The following MINK1 variants were observed in gnomAD, a reference collection of about 807,000 sequenced individuals.
MINK1 encodes misshapen-like kinase 1.
In MINK1, 46 loss-of-function variants were observed where a neutral mutation model predicts 178.4. The observed-to-expected ratio is 0.26, with a 90% CI of 0.20 to 0.33. The LOEUF is 0.33. Ranked by LOEUF, MINK1 falls within the 10% of genes least tolerant of loss-of-function variation. The pLI, the probability that MINK1 is intolerant of heterozygous loss-of-function variation, is 1.00. For missense variants in MINK1, 1,366 were observed against 1,814.9 expected (o/e 0.75, Z 4.49); for synonymous variants, 797 against 709.7 (o/e 1.12, Z -1.96).
chr17:4,892,047 A>T, intron 16 of MINK1, 102 bp from the exon 17 acceptor site: 1 of 967,578 alleles, frequency 1.0e-6, no homozygotes. Context: ...CAGTTTTCTC[A>T]TCCATCAAAG....
rs1969029395 is a variant in MINK1, at chr17:4,893,059, C to T, written c.2392C>T (p.Arg798Trp). Residue 798 changes from arginine to tryptophan, a missense_variant, in exon 20 of 32, where the codon CGG (arginine) becomes TGG (tryptophan). Physicochemically the swap from Arg to Trp is moderately radical, Grantham distance 101. Around this residue, in one of 14 missense-constraint regions of MINK1, gnomAD observed 709 missense variants for 692.3 expected, o/e 1.02. Coordinates refer to ENST00000355280, the MANE Select transcript of MINK1 (RefSeq NM_153827.5). The part of the protein sequence containing the change: ...KPDDHRSRPG[R>W]PADFVLLKER... ...CGACGACCACCGCTCACGGCCAGGC[C>T]GGCCCGCAGTGAGTCACCTGGTGGC... 1.3e-6 allele frequency: 2 copies of T among 1,562,662 alleles called. No individual in the cohort carries two copies. The highest frequency in any genetic ancestry group is 1.7e-6 in the Non-Finnish European group (2 of 1,155,726).
rs757618117 is a variant in MINK1 at position 4,896,738 on chromosome 17, G to A, written c.3840G>A (p.Glu1280=). 5 of 1,604,074 alleles carry A rather than the reference G, an allele frequency of 3.1e-6. No individual in the cohort carries two copies. Among genetic ancestry groups the A allele is most frequent in the Non-Finnish European group, 4.3e-6 (5 of 1,174,364 alleles). Residue 1280 remains glutamate (E), a synonymous_variant, in exon 31 of 32, where the codon GAG becomes GAA. Transcript: ENST00000355280. The surrounding 1 kb of genome is among the most constrained non-coding windows in gnomAD (Gnocchi z 4.6). ...AAGCCATTGAGATCCGCTCTGTGGA[G>A]ACGGGCCACCTCGACGGGGTCTTCA... ...GEKAIEIRSV[E]TGHLDGVFMH... is the part of the protein sequence containing the mutation.
chr17:4,896,977 C>T lies in MINK1; in HGVS notation c.3915+164C>T, dbSNP rs1969583205. The stretch of plus-strand genomic sequence containing the variant: ...CACTACCACTGCCCTGCGCTCCCTT[C>T]AGATTCCGAGGACTTCCCAGCTGGC... On this transcript the variant is annotated intron_variant, in intron 31 of 31. Transcript: ENST00000355280. The surrounding 1 kb of genome is among the most constrained non-coding windows in gnomAD (Gnocchi z 4.6). 6.5e-6 allele frequency: 7 copies of T among 1,084,604 alleles called. No homozygotes were observed. Among genetic ancestry groups the T allele is most frequent in the Non-Finnish European group, 9.1e-6 (7 of 769,370 alleles). 67.2% of individuals were successfully genotyped at this position (1,084,604 alleles called of 1,614,324 possible). A position where few individuals can be genotyped will look rare whatever the true frequency, so the allele number is the denominator to read the frequency against.
intron 15 of MINK1, 76 bp downstream of exon 15, chr17:4,891,200 G>GCGCGCACACACA (rs781594150): frequency 2.9e-3 from 2,881 of 1,003,830 alleles, no homozygotes; most frequent in Non-Finnish European, 3.6e-3. Flanking sequence ...ACACACGCGC[G>GCGCGCACACACA]CACACACACA....
intron 1 of MINK1, among the ~76,000 whole-genome samples, chr17:4,871,662 T>C (rs1420729733): frequency 6.6e-6 from 1 of 152,212 alleles, no homozygotes; most frequent in Non-Finnish European, 1.5e-5. Context: ...TGTGGATATA[T>C]GTTCTCAGTT....
chr17:4,877,380 C>T (rs1176454356), intron 1 of MINK1, among the ~76,000 whole-genome samples: 1 of 152,122 alleles, frequency 6.6e-6, no homozygotes, highest in Non-Finnish European at 1.5e-5. Context: ...ACAGAAAGTT[C>T]TCCCTTCTCA....
intron 1 of MINK1, among the ~76,000 whole-genome samples, chr17:4,845,405 TG>T (rs1293131761): frequency 6.6e-6 from 1 of 152,176 alleles, no homozygotes; most frequent in Non-Finnish European, 1.5e-5. Flanking sequence ...CATCTCATCC[TG>T]GGGGTCTGAT....
At position 4,894,191 on chromosome 17, in the gene MINK1, G is replaced by C. The variant is rs1969182938; in HGVS notation, c.2688G>C (p.Arg896=). Residue 896 remains arginine, a synonymous_variant, in exon 23 of 32, where the codon CGG becomes CGC. Coordinates refer to ENST00000355280, the MANE Select transcript of MINK1 (RefSeq NM_153827.5). This position sits in a 1 kb window ranked among gnomAD's most constrained non-coding sequence, Gnocchi z 4.1. ...TCCTGTAGACCCCTGAAGAGGAGCG[G>C]AACCTGCTGCATGCTGACAGCAATG... is the stretch of plus-strand genomic sequence containing the variant. ...MVVQRTPEEE[R]NLLHADSNGY... is the part of the protein sequence containing the mutation. 1 of 1,613,682 alleles carries C rather than the reference G, an allele frequency of 6.2e-7. No homozygotes were observed. The highest frequency in any genetic ancestry group is 1.1e-5 in the South Asian group (1 of 91,074).
At chr17:4,863,506 A>G (rs1914495357) in intron 1 of MINK1, among the ~76,000 whole-genome samples, 2 of 152,108 alleles carry the variant, frequency 1.3e-5, no homozygotes, top group African/African-American at 4.8e-5. Flanking sequence ...CTGGGGCTAG[A>G]AAGGGGAGGA....
At chr17:4,847,756 G>T (rs930970770) in intron 1 of MINK1, among the ~76,000 whole-genome samples, 1 of 152,110 alleles carries the variant, frequency 6.6e-6, no homozygotes, top group African/African-American at 2.4e-5. Context: ...CAGGGCGGGT[G>T]GTGTCTCAGA....
rs34473686 is a variant in MINK1, at chr17:4,839,939, ATGTGTGTGTGTGTGTGTGTGTGTGTG to A, written c.57+6320_57+6345del. On this transcript the variant is annotated intron_variant, in intron 1 of 31. Coordinates refer to ENST00000355280, the MANE Select transcript of MINK1 (RefSeq NM_153827.5). The stretch of plus-strand genomic sequence containing the variant: ...ACATTAATCAAGTAATTATTTATTA[ATGTGTGTGTGTGTGTGTGTGTGTGTG>A]TGTGTGTGTGTGTGTGTGTGATTGC... 1.6e-4 allele frequency among the ~76,000 whole-genome samples: 23 copies of A among 141,986 alleles called. 1 individual carries two copies. The South Asian group carries it at 3.0e-3, about 18-fold the overall frequency. 93.1% of individuals were successfully genotyped at this position (141,986 alleles called of 152,430 possible). A position where few individuals can be genotyped will look rare whatever the true frequency, so the allele number is the denominator to read the frequency against.
Position 4,894,672 on chromosome 17 carries a change from C to G in MINK1, c.2917+39C>G. ...GACAGACCTGCTGTGAGGCCAGGGT[C>G]CAGGGGCAGCCTGGAGGGGAGCACA... On this transcript the variant is annotated intron_variant, in intron 24 of 31. Transcript: ENST00000355280. The surrounding 1 kb of genome is among the most constrained non-coding windows in gnomAD (Gnocchi z 4.1). The G allele has an allele frequency of 6.7e-7, 1 of 1,487,028 alleles. No individual in the cohort carries two copies. Among genetic ancestry groups the G allele is most frequent in the Non-Finnish European group, 9.2e-7 (1 of 1,081,350 alleles). 92.1% of individuals were successfully genotyped at this position (1,487,028 alleles called of 1,614,324 possible). A position where few individuals can be genotyped will look rare whatever the true frequency, so the allele number is the denominator to read the frequency against.
chr17:4,867,526 A>G (rs541426257), intron 1 of MINK1, among the ~76,000 whole-genome samples: 15 of 152,106 alleles, frequency 9.9e-5, no homozygotes, highest in Middle Eastern at 3.4e-3. Context: ...TGGGCCAGGT[A>G]CAGTGGCTCA....
At chr17:4,889,513 C>A in intron 12 of MINK1, 134 bp from the exon 13 acceptor site, 1 of 789,794 alleles carries the variant, frequency 1.3e-6, no homozygotes, top group South Asian at 1.5e-5. Flanking sequence ...GGTATAGTTG[C>A]AGAAACAAGC....
At chr17:4,874,995 T>C in intron 1 of MINK1, 1 of 512,714 alleles carries the variant, frequency 2.0e-6, no homozygotes, top group South Asian at 1.4e-5. Flanking sequence ...TTTTCCCTCT[T>C]AGATTAGGAG....
chr17:4,838,707 C>T (rs572263046), intron 1 of MINK1, among the ~76,000 whole-genome samples: 96 of 152,208 alleles, frequency 6.3e-4, no homozygotes, highest in African/African-American at 2.2e-3. Context: ...CTCCAGAAGC[C>T]GGTGAGAGTC....
intron 1 of MINK1, among the ~76,000 whole-genome samples, chr17:4,846,706 T>C (rs376491177): frequency 1.3e-5 from 2 of 152,206 alleles, no homozygotes; most frequent in African/African-American, 4.8e-5. Flanking sequence ...GGTCGTGCTC[T>C]GTTGACCAGG....
chr17:4,889,757 C>A lies in MINK1; in HGVS notation c.1341C>A (p.Arg447=). Residue 447 remains arginine, a synonymous_variant, in exon 13 of 32, where the codon CGC becomes CGA. Transcript: ENST00000355280. ...RREEERRQAE[R]EQEYKRKQLE... ...AGGAGGAGCGGCGGCAGGCGGAGCG[C>A]GAGCAGGTAGAGCGCCGCACCCGCA... The A allele has an allele frequency of 6.5e-7, 1 of 1,536,980 alleles. No homozygotes were observed. The highest frequency in any genetic ancestry group is 8.7e-7 in the Non-Finnish European group (1 of 1,144,746).
intron 1 of MINK1, among the ~76,000 whole-genome samples, chr17:4,838,613 T>A (rs1229401704): frequency 6.6e-6 from 1 of 152,202 alleles, no homozygotes; most frequent in African/African-American, 2.4e-5. Flanking sequence ...CTTGATAAGC[T>A]TGTATTCTGG....
Sources: gnomAD v4.1 joint callset for allele counts (sites outside exome capture counted in the v4.1 genomes callset) on GRCh38, gnomAD v4.1.1 for gene constraint, gnomAD v4.1.1 regional missense constraint, Gnocchi (gnomAD v3.1) non-coding constraint, MANE v1.5 for transcripts, NCBI Gene and HGNC (gene_info 2026-07-23, HGNC 2026-07-21) for gene names.